Variants in OSBPL1A observed in about 807,000 individuals in gnomAD.
OSBPL1A encodes oxysterol-binding protein-related protein 1.
Under a neutral mutation model 137.1 loss-of-function variants are expected in OSBPL1A, and 80 were observed. The observed-to-expected ratio is 0.58, with a 90% CI of 0.49 to 0.70. OSBPL1A has a LOEUF of 0.70. Ranked by LOEUF, OSBPL1A falls within the 30% of genes least tolerant of loss-of-function variation. The pLI is 0.00. For missense variants in OSBPL1A, 970 were observed against 1,129.4 expected, an observed-to-expected ratio of 0.86 and a Z score of 2.02; for synonymous variants, 365 against 389.7, an observed-to-expected ratio of 0.94 and a Z score of 0.75.
chr18:24,187,485 T>G (rs1475801403), intron 18 of OSBPL1A, among the ~76,000 whole-genome samples: 1 of 152,200 alleles, frequency 6.6e-6, no homozygotes, highest in Non-Finnish European at 1.5e-5. Flanking sequence ...CTGTACTACC[T>G]ACTGCTTGCG....
In OSBPL1A at chr18:24,383,139, T is replaced by C. The variant is rs1296594686; in HGVS notation, c.-2-5604A>G. Among the ~76,000 whole-genome samples the C allele has an allele frequency of 2.6e-5, 3 of 113,250 alleles. No homozygotes were observed. In the Admixed American group the frequency reaches 3.0e-4, roughly 11 times the overall value. The allele number at this position is 113,250 out of a possible 152,430, so 74.3% of individuals were successfully genotyped here. A position where few individuals can be genotyped will look rare whatever the true frequency, so the allele number is the denominator to read the frequency against. ...CTACACTATAAAGGCATTTTATAACTGGAAAATGTTAAGTTATTAAAGATA... is the reference window on the plus strand; with the variant it reads ...CTACACTATAAAGGCATTTTATAACCGGAAAATGTTAAGTTATTAAAGATA... On this transcript the variant is annotated intron_variant, in intron 1 of 27. Coordinates refer to ENST00000319481, the MANE Select transcript of OSBPL1A (RefSeq NM_080597.4).
intron 4 of OSBPL1A, among the ~76,000 whole-genome samples, chr18:24,342,411 A>T (rs1359198114): frequency 6.6e-6 from 1 of 152,166 alleles, no homozygotes; most frequent in African/African-American, 2.4e-5. Flanking sequence ...TGATTATCTT[A>T]TGATACACAA....
intron 4 of OSBPL1A, among the ~76,000 whole-genome samples, chr18:24,346,320 G>A (rs1304398960): frequency 6.6e-6 from 1 of 152,178 alleles, no homozygotes; most frequent in African/African-American, 2.4e-5. Flanking sequence ...TTATTGAGGT[G>A]TAATTCACAT....
intron 18 of OSBPL1A, among the ~76,000 whole-genome samples, chr18:24,186,453 T>C (rs2086748313): frequency 6.6e-6 from 1 of 152,198 alleles, no homozygotes; most frequent in Non-Finnish European, 1.5e-5. Context: ...TTTATAAACA[T>C]AGAAACAAAT....
chr18:24,221,243 T>C (rs1396544643), intron 17 of OSBPL1A, among the ~76,000 whole-genome samples: 3 of 152,238 alleles, frequency 2.0e-5, no homozygotes, highest in Non-Finnish European at 4.4e-5. Context: ...TTACCTTCAA[T>C]TCGTGGGTGC....
At chr18:24,308,296 A>T (rs1227689780) in intron 13 of OSBPL1A, among the ~76,000 whole-genome samples, 1 of 147,882 alleles carries the variant, frequency 6.8e-6, no homozygotes, top group Non-Finnish European at 1.5e-5. Context: ...TTGTATTTTT[A>T]GTAGAGACAG....
At chr18:24,372,555 C>G (rs1386808694) in intron 2 of OSBPL1A, among the ~76,000 whole-genome samples, 1 of 152,206 alleles carries the variant, frequency 6.6e-6, no homozygotes, top group Non-Finnish European at 1.5e-5. Context: ...CACTCAACAG[C>G]AGCAGCACCT....
chr18:24,232,483 T>C (rs998250989), intron 16 of OSBPL1A, among the ~76,000 whole-genome samples: 3 of 152,190 alleles, frequency 2.0e-5, no homozygotes, highest in African/African-American at 7.2e-5. Context: ...AATCTACTAC[T>C]GTTTTCTACA....
At chr18:24,328,460 T>A (rs2091019318) in intron 7 of OSBPL1A, among the ~76,000 whole-genome samples, 1 of 152,072 alleles carries the variant, frequency 6.6e-6, no homozygotes, top group African/African-American at 2.4e-5. Flanking sequence ...TCACCATACT[T>A]ACATGGGTTG....
intron 21 of OSBPL1A, among the ~76,000 whole-genome samples, chr18:24,177,282 T>C (rs1364513505): frequency 6.6e-6 from 1 of 152,328 alleles, no homozygotes; most frequent in East Asian, 1.9e-4. Flanking sequence ...TCTTTCTAGG[T>C]CCTTTAATTA....
At chr18:24,163,911 T>G (rs2086080028) in intron 27 of OSBPL1A, among the ~76,000 whole-genome samples, 1 of 152,024 alleles carries the variant, frequency 6.6e-6, no homozygotes, top group African/African-American at 2.4e-5. Flanking sequence ...TTTGTATTTT[T>G]AGTAGAGACA....
chr18:24,181,198 T>A lies in OSBPL1A; in HGVS notation c.1759A>T (p.Thr587Ser). The A allele has an allele frequency of 1.2e-6, 2 of 1,614,158 alleles. No homozygotes were observed. Among genetic ancestry groups the A allele is most frequent in the Non-Finnish European group, 1.7e-6 (2 of 1,180,018 alleles). Residue 587 changes from threonine (T) to serine (S), a missense_variant, in exon 19 of 28, where the codon ACT becomes TCT. Thr to Ser is a moderately conservative substitution (Grantham distance 58). Around this residue, in one of 2 missense-constraint regions of OSBPL1A, gnomAD observed 323 missense variants for 456.8 expected, o/e 0.71. Transcript: ENST00000319481. ...LQRLTEYMEHTYLIHKASSLS... is the reference protein window; with the variant it reads ...LQRLTEYMEHSYLIHKASSLS... ...GAACTGGCCTTGTGGATGAGGTAAG[T>A]ATGCTCCATGTATTCAGTTAGGCGC...
At chr18:24,326,874 C>T (rs1478392811) in intron 7 of OSBPL1A, among the ~76,000 whole-genome samples, 1 of 152,016 alleles carries the variant, frequency 6.6e-6, no homozygotes, top group Non-Finnish European at 1.5e-5. Flanking sequence ...AATCTTTGGA[C>T]GTTTGGGTTA....
At chr18:24,286,706 C>G (rs1292442892) in intron 14 of OSBPL1A, among the ~76,000 whole-genome samples, 1 of 152,154 alleles carries the variant, frequency 6.6e-6, no homozygotes, top group Non-Finnish European at 1.5e-5. Context: ...AATATAAACC[C>G]AATAAGCACT....
intron 4 of OSBPL1A, among the ~76,000 whole-genome samples, chr18:24,348,031 T>G (rs561952357): frequency 6.6e-6 from 1 of 152,020 alleles, no homozygotes; most frequent in Non-Finnish European, 1.5e-5. Context: ...GATAATATAT[T>G]AAAACATTTA....
At chr18:24,256,271 ATCAT>A (rs1263756775) in intron 15 of OSBPL1A, among the ~76,000 whole-genome samples, 10 of 152,234 alleles carry the variant, frequency 6.6e-5, no homozygotes, top group Non-Finnish European at 1.5e-4. Context: ...TGTTAAAAAG[ATCAT>A]TCATCATAAA....
rs1386017222 is a variant in OSBPL1A at position 24,285,931 on chromosome 18, C to T, written c.1175-4983G>A. Among the ~76,000 whole-genome samples, 8 of 152,180 alleles carry T rather than the reference C, an allele frequency of 5.3e-5. No homozygotes were observed. The South Asian group carries it at 8.3e-4, about 16-fold the overall frequency. On this transcript the variant is annotated intron_variant, in intron 14 of 27. Transcript: ENST00000319481. ...CAGCACTTTGGGAGGCCGAGGCGTG[C>T]AGATCACCTGAGGTCAGGAATTCGA...
chr18:24,172,096 G>A (rs770769280), intron 22 of OSBPL1A, among the ~76,000 whole-genome samples: 12 of 151,844 alleles, frequency 7.9e-5, no homozygotes, highest in East Asian at 3.9e-4. Context: ...ACCCGCCACC[G>A]TGCCCGGCTA....
At chr18:24,183,795 CTG>C (rs1490539138) in intron 18 of OSBPL1A, among the ~76,000 whole-genome samples, 1 of 152,176 alleles carries the variant, frequency 6.6e-6, no homozygotes, top group Non-Finnish European at 1.5e-5. Flanking sequence ...TACACCTTCA[CTG>C]TGTTTTGGGG....
Sources: gnomAD v4.1 joint callset for allele counts (sites outside exome capture counted in the v4.1 genomes callset) on GRCh38, gnomAD v4.1.1 for gene constraint, gnomAD v4.1.1 regional missense constraint, MANE v1.5 for transcripts, NCBI Gene and HGNC (gene_info 2026-07-23, HGNC 2026-07-21) for gene names.